OSBPL9: variants seen among roughly 807,000 people sequenced by gnomAD.
OSBPL9 encodes oxysterol binding protein like 9, also known as oxysterol-binding protein-related protein 9.
A neutral mutation model predicts 106.6 loss-of-function variants in OSBPL9; 40 were observed. That is an observed-to-expected ratio of 0.38 (90% CI 0.29 to 0.49). The LOEUF (loss-of-function observed/expected upper bound fraction) is 0.49. Ranked by LOEUF, OSBPL9 falls within the 20% of genes least tolerant of loss-of-function variation. OSBPL9 has a pLI of 0.97. For synonymous variants in OSBPL9, 269 were observed against 295.4 expected (o/e 0.91, Z 0.92); for missense variants, 609 against 887.2 (o/e 0.69, Z 3.98).
chr1:51,719,409 G>A (rs1376772292), intron 4 of OSBPL9, among the ~76,000 whole-genome samples: 1 of 151,904 alleles, frequency 6.6e-6, no homozygotes, highest in Non-Finnish European at 1.5e-5. Context: ...GTAGATATCT[G>A]ATGATACTGA....
At chr1:51,703,492 T>C (rs1455871497) in intron 3 of OSBPL9, among the ~76,000 whole-genome samples, 1 of 152,236 alleles carries the variant, frequency 6.6e-6, no homozygotes, top group Non-Finnish European at 1.5e-5. Flanking sequence ...ACATTGATTT[T>C]GTATTCTGAG....
At chr1:51,557,813 T>C in the OSBPL9 span, among the ~76,000 whole-genome samples, 1 of 152,182 alleles carries the variant, frequency 6.6e-6, no homozygotes, top group African/African-American at 2.4e-5. Context: ...GGGATATCAA[T>C]GTGCTTTGTA....
chr1:51,556,176 T>C, the OSBPL9 span, among the ~76,000 whole-genome samples: 1 of 152,052 alleles, frequency 6.6e-6, no homozygotes, highest in Non-Finnish European at 1.5e-5. Flanking sequence ...AGCGATAATA[T>C]AGGTAAAGCA....
intron 4 of OSBPL9, among the ~76,000 whole-genome samples, chr1:51,719,952 G>A (rs571309403): frequency 9.7e-4 from 147 of 152,256 alleles, no homozygotes; most frequent in African/African-American, 3.2e-3. Context: ...TATGACATAC[G>A]TACACTACCA....
chr1:51,561,872 G>A, the OSBPL9 span: 3 of 152,168 alleles, frequency 2.0e-5, no homozygotes, highest in African/African-American at 7.2e-5. Context: ...CAGTGGCTCT[G>A]AGCTCAGAGG....
In OSBPL9 at chr1:51,617,114, G is replaced by A. The variant is rs1043967889; in HGVS notation, c.4G>A (p.Ala2Thr). 10 of 1,610,150 alleles carry A rather than the reference G, an allele frequency of 6.2e-6. No homozygotes were observed. In the Admixed American group the frequency reaches 1.2e-4, roughly 19 times the overall value. Reference sequence around the variant, plus strand: ...GTTGTCATTGGCGGCTCCCAAGATGGCGTCCATCATGGAAGGGCCGCTGAG... The same window carrying A: ...GTTGTCATTGGCGGCTCCCAAGATGACGTCCATCATGGAAGGGCCGCTGAG... MASIMEGPLSKW... is the reference protein window; with the variant it reads MTSIMEGPLSKW... The change falls in exon 1 of 24, where the codon GCG (alanine) becomes ACG (threonine). Residue 2 changes from alanine to threonine, a missense_variant. Physicochemically the swap from Ala to Thr is moderately conservative, Grantham distance 58 (BLOSUM62 0). This residue lies in a region of OSBPL9 where 30 missense variants were observed against 21.8 expected (regional missense o/e 1.37). Transcript: ENST00000428468.
chr1:51,629,156 A>T (rs1351760886), intron 1 of OSBPL9, among the ~76,000 whole-genome samples: 1 of 152,114 alleles, frequency 6.6e-6, no homozygotes, highest in Admixed American at 6.6e-5. Flanking sequence ...TTCTATAACA[A>T]ACCATCTAAA....
intron 3 of OSBPL9, among the ~76,000 whole-genome samples, chr1:51,695,143 T>A (rs578161928): frequency 6.6e-6 from 1 of 152,198 alleles, no homozygotes; most frequent in Admixed American, 6.5e-5. Context: ...GTATTAAATA[T>A]TTACTCGAGG....
At chr1:51,665,791 A>G (rs900017961) in intron 2 of OSBPL9, among the ~76,000 whole-genome samples, 11 of 152,246 alleles carry the variant, frequency 7.2e-5, no homozygotes, top group African/African-American at 2.4e-4. Context: ...TTCCATATAG[A>G]CTATCTAAAG....
At chr1:51,765,677 G>T in intron 11 of OSBPL9, 145 bp from the exon 12 acceptor site, 1 of 638,708 alleles carries the variant, frequency 1.6e-6, no homozygotes, top group Non-Finnish European at 2.5e-6. Context: ...GAGTTTAAAT[G>T]TTGATTTTCT....
chr1:51,635,667 A>C (rs749357935), intron 1 of OSBPL9, among the ~76,000 whole-genome samples: 3 of 152,144 alleles, frequency 2.0e-5, no homozygotes, highest in Non-Finnish European at 2.9e-5. Context: ...CTAAGTCATC[A>C]TGGCTGTGCT....
At chr1:51,678,984 G>A (rs12092942) in intron 3 of OSBPL9, among the ~76,000 whole-genome samples, 167 of 152,248 alleles carry the variant, frequency 1.1e-3, no homozygotes, top group African/African-American at 3.6e-3. Context: ...TGATTTTCAT[G>A]TGATAATTAT....
At chr1:51,616,003 G>T (rs12095825), upstream of OSBPL9, among the ~76,000 whole-genome samples, 285 of 104,528 alleles carry the variant, frequency 2.7e-3, no homozygotes, top group African/African-American at 9.2e-3. Context: ...AAATCCTTTG[G>T]TTTTTTTTTT....
At chr1:51,604,687 T>C (rs186724417) in intron 2 of OSBPL9, among the ~76,000 whole-genome samples, 17 of 152,238 alleles carry the variant, frequency 1.1e-4, no homozygotes, top group African/African-American at 3.9e-4. Flanking sequence ...GGAGTCTCGC[T>C]CTTTCTCCCA....
At chr1:51,672,289 G>A (rs982173678) in intron 3 of OSBPL9, among the ~76,000 whole-genome samples, 17 of 152,240 alleles carry the variant, frequency 1.1e-4, no homozygotes, top group Admixed American at 1.3e-4. Context: ...CATGGTAGCA[G>A]TGGAGATGGG....
intron 4 of OSBPL9, among the ~76,000 whole-genome samples, chr1:51,728,446 T>C (rs191991749): frequency 7.2e-5 from 11 of 152,246 alleles, no homozygotes; most frequent in African/African-American, 2.6e-4. Flanking sequence ...CAGAACTTGG[T>C]GATGCACTGA....
chr1:51,777,195 G>A (rs1209397565), intron 15 of OSBPL9, among the ~76,000 whole-genome samples: 1 of 152,158 alleles, frequency 6.6e-6, no homozygotes, highest in African/African-American at 2.4e-5. Context: ...ATTTAATCCA[G>A]GCACTGGCAA....
rs1244401491 is a variant in OSBPL9 at position 51,712,057 on chromosome 1, C to T, written c.242-1946C>T. Among the ~76,000 whole-genome samples, 6 of 152,182 alleles carry T rather than the reference C, an allele frequency of 3.9e-5. No homozygotes were observed. In the East Asian group the frequency reaches 1.2e-3, roughly 29 times the overall value. On this transcript the variant is annotated intron_variant, in intron 3 of 23. Transcript: ENST00000428468. The stretch of plus-strand genomic sequence containing the variant: ...ATCTCGGCACTTTGGGAGGCCAAGG[C>T]AGGCGGCTGGGAGGTGTAGGTTGTA...
chr1:51,581,481 A>G (rs1239017698), intron 1 of OSBPL9, among the ~76,000 whole-genome samples: 2 of 152,300 alleles, frequency 1.3e-5, no homozygotes, highest in East Asian at 1.9e-4. Flanking sequence ...AAGAAAGTCA[A>G]TATGTACAGT....
Sources: gnomAD v4.1 joint callset for allele counts (sites outside exome capture counted in the v4.1 genomes callset) on GRCh38, gnomAD v4.1.1 for gene constraint, gnomAD v4.1.1 regional missense constraint, MANE v1.5 for transcripts, NCBI Gene and HGNC (gene_info 2026-07-23, HGNC 2026-07-21) for gene names.